THSD7B: variants seen among roughly 807,000 people sequenced by gnomAD.
THSD7B encodes thrombospondin type-1 domain-containing protein 7B.
THSD7B carries 138 observed loss-of-function variants against 213.6 expected under a neutral mutation model. That is an observed-to-expected ratio of 0.65 (90% CI 0.56 to 0.74). The LOEUF (loss-of-function observed/expected upper bound fraction) is 0.74. Ranked by LOEUF, THSD7B falls within the 30% of genes least tolerant of loss-of-function variation. The pLI, the probability that THSD7B is intolerant of heterozygous loss-of-function variation, is 0.00. For missense variants in THSD7B, 1,931 were observed against 1,991.5 expected, an observed-to-expected ratio of 0.97 and a Z score of 0.58; for synonymous variants, 742 against 687.0, an observed-to-expected ratio of 1.08 and a Z score of -1.25.
chr2:137,069,205 G>C (rs1687434392), intron 3 of THSD7B, among the ~76,000 whole-genome samples: 1 of 151,914 alleles, frequency 6.6e-6, no homozygotes, highest in Non-Finnish European at 1.5e-5. Flanking sequence ...CTGTCATATA[G>C]TCTGTTCATC....
At chr2:136,946,465 T>A (rs1201317647) in intron 2 of THSD7B, among the ~76,000 whole-genome samples, 1 of 152,152 alleles carries the variant, frequency 6.6e-6, no homozygotes, top group East Asian at 1.9e-4. Context: ...AGGCGGTCTC[T>A]CCATTCTCCG....
intron 15 of THSD7B, among the ~76,000 whole-genome samples, chr2:137,526,426 G>C (rs1476843409): frequency 6.6e-6 from 1 of 151,804 alleles, no homozygotes; most frequent in African/African-American, 2.4e-5. Context: ...GTTGTTGTTT[G>C]TTTGTTTGTT....
rs1247307526 is a variant in THSD7B at position 137,380,278 on chromosome 2, G to A, written c.2501-25335G>A. 4.0e-5 allele frequency among the ~76,000 whole-genome samples: 6 copies of A among 150,976 alleles called. No individual in the cohort carries two copies. The East Asian group carries it at 5.8e-4, about 15-fold the overall frequency. ...AATAGAAAAAAAAAAAAATAGCCAC[G>A]CATGGTGGTACACAAATCTAGTTCC... On this transcript the variant is annotated intron_variant, in intron 12 of 27. Transcript: ENST00000409968.
intron 12 of THSD7B, among the ~76,000 whole-genome samples, chr2:137,335,239 C>T (rs2104899687): frequency 6.6e-6 from 1 of 152,244 alleles, no homozygotes; most frequent in East Asian, 1.9e-4. Flanking sequence ...TAAAAACTAC[C>T]TCATGATCTT....
At chr2:137,562,641 A>G (rs1355972597) in intron 15 of THSD7B, among the ~76,000 whole-genome samples, 1 of 130,504 alleles carries the variant, frequency 7.7e-6, no homozygotes, top group Non-Finnish European at 1.6e-5. Flanking sequence ...TATCTGTTTT[A>G]GCTACACTCT....
chr2:136,781,404 A>G (rs1309315477), intron 1 of THSD7B, among the ~76,000 whole-genome samples: 1 of 151,302 alleles, frequency 6.6e-6, no homozygotes, highest in Non-Finnish European at 1.5e-5. Context: ...AGCTGGGACC[A>G]CAGGTGCACA....
At chr2:137,165,108 TCCCCACAGC>T (rs1680099459) in intron 6 of THSD7B, among the ~76,000 whole-genome samples, 1 of 152,110 alleles carries the variant, frequency 6.6e-6, no homozygotes, top group Non-Finnish European at 1.5e-5. Flanking sequence ...GGTGGTACTG[TCCCCACAGC>T]CTCCTGCAGA....
chr2:136,791,321 A>G (rs1681960458), intron 1 of THSD7B, among the ~76,000 whole-genome samples: 1 of 151,994 alleles, frequency 6.6e-6, no homozygotes. Flanking sequence ...TTTTATTTTA[A>G]TGACATCAAA....
intron 19 of THSD7B, among the ~76,000 whole-genome samples, chr2:137,620,398 A>G (rs1345423813): frequency 3.3e-5 from 5 of 152,232 alleles, no homozygotes; most frequent in Admixed American, 6.5e-5. Flanking sequence ...TTTTATAAAA[A>G]GAAATTTTGG....
At chr2:137,252,594 GC>G (rs1199988759) in intron 10 of THSD7B, among the ~76,000 whole-genome samples, 1 of 152,150 alleles carries the variant, frequency 6.6e-6, no homozygotes, top group Non-Finnish European at 1.5e-5. Context: ...ACTGTGCCTG[GC>G]CCTGGTTTGT....
At chr2:137,673,650 C>T (rs1304503805) in intron 27 of THSD7B, among the ~76,000 whole-genome samples, 1 of 152,206 alleles carries the variant, frequency 6.6e-6, no homozygotes, top group Non-Finnish European at 1.5e-5. Context: ...AGTTGCTGGC[C>T]TCCTCAGTGT....
chr2:136,767,154 T>C (rs1681413910), intron 1 of THSD7B, among the ~76,000 whole-genome samples: 2 of 152,216 alleles, frequency 1.3e-5, no homozygotes, highest in Non-Finnish European at 2.9e-5. Context: ...AGCCTTTTTG[T>C]GCTCTTGACT....
At chr2:137,446,780 T>C (rs1290935624) in intron 14 of THSD7B, among the ~76,000 whole-genome samples, 1 of 152,088 alleles carries the variant, frequency 6.6e-6, no homozygotes, top group African/African-American at 2.4e-5. Context: ...CAATGAGGTT[T>C]AGATGTGTGA....
chr2:136,877,789 A>G (rs768948399), intron 1 of THSD7B, among the ~76,000 whole-genome samples: 1 of 152,138 alleles, frequency 6.6e-6, no homozygotes, highest in Non-Finnish European at 1.5e-5. Context: ...CCTGATATAA[A>G]TCCCAACAGT....
chr2:137,338,122 T>C (rs1684679434), intron 12 of THSD7B, among the ~76,000 whole-genome samples: 1 of 152,070 alleles, frequency 6.6e-6, no homozygotes, highest in African/African-American at 2.4e-5. Context: ...GTGCTAAAGG[T>C]TTCTTTAGTT....
intron 15 of THSD7B, among the ~76,000 whole-genome samples, chr2:137,491,363 CAACGT>C (rs1688602959): frequency 6.6e-6 from 1 of 152,104 alleles, no homozygotes; most frequent in Non-Finnish European, 1.5e-5. Flanking sequence ...TAGGTGTGGC[CAACGT>C]TTTTGATGGT....
intron 2 of THSD7B, among the ~76,000 whole-genome samples, chr2:136,943,570 G>A (rs1684872700): frequency 1.3e-5 from 2 of 152,134 alleles, no homozygotes; most frequent in African/African-American, 4.8e-5. Flanking sequence ...CCTGTTATTG[G>A]TCTATTCAGA....
At chr2:137,350,588 A>T (rs962805297) in intron 12 of THSD7B, among the ~76,000 whole-genome samples, 12 of 151,804 alleles carry the variant, frequency 7.9e-5, no homozygotes, top group Non-Finnish European at 1.5e-5. Flanking sequence ...CAGAGCATGA[A>T]GTTGGAGAGC....
intron 5 of THSD7B, among the ~76,000 whole-genome samples, chr2:137,147,652 C>T (rs529667501): frequency 1.3e-5 from 2 of 152,030 alleles, no homozygotes; most frequent in African/African-American, 4.8e-5. Flanking sequence ...TTACAGATTT[C>T]CGTTCAGATA....
Sources: allele counts gnomAD v4.1 joint callset (sites outside exome capture counted in the v4.1 genomes callset), GRCh38; gene constraint gnomAD v4.1.1; transcripts MANE v1.5; gene names NCBI Gene and HGNC (gene_info 2026-07-23, HGNC 2026-07-21).